EDIL3: variants seen among roughly 807,000 people sequenced by gnomAD.
The protein encoded by EDIL3 is EGF like and discoidin domains 3.
A neutral mutation model predicts 67.4 loss-of-function variants in EDIL3; 37 were observed. That is an observed-to-expected ratio of 0.55 (90% CI 0.42 to 0.72). EDIL3 has a LOEUF of 0.72. Among genes scored for constraint, EDIL3 ranks in the 30% least tolerant of loss-of-function variants. EDIL3 has a pLI of 0.00. For missense variants in EDIL3, 527 were observed against 586.3 expected (o/e 0.90, Z 1.04); for synonymous variants, 195 against 196.3 (o/e 0.99, Z 0.05).
At chr5:83,975,018 G>A (rs1037497427) in intron 9 of EDIL3, among the ~76,000 whole-genome samples, 2 of 151,970 alleles carry the variant, frequency 1.3e-5, no homozygotes, top group South Asian at 2.1e-4. Flanking sequence ...ATGATTTAAT[G>A]AGTATATTTT....
chr5:84,352,571 C>G (rs903894394), intron 1 of EDIL3, among the ~76,000 whole-genome samples: 2 of 152,066 alleles, frequency 1.3e-5, no homozygotes, highest in African/African-American at 2.4e-5. Flanking sequence ...CATGTTCTCA[C>G]TTGGGAGCTA....
chr5:84,291,683 GATATATCT>G (rs1310611500), intron 1 of EDIL3, among the ~76,000 whole-genome samples: 2 of 144,680 alleles, frequency 1.4e-5, no homozygotes, highest in Non-Finnish European at 3.0e-5. Flanking sequence ...TATCTATATA[GATATATCT>G]ATATATCTAT....
chr5:84,120,555 G>A (rs1242595765), intron 5 of EDIL3, among the ~76,000 whole-genome samples: 1 of 151,950 alleles, frequency 6.6e-6, no homozygotes, highest in Non-Finnish European at 1.5e-5. Context: ...TCTAAAAAGA[G>A]CAATTTTTTT....
At chr5:84,056,576 T>C (rs994060174) in intron 9 of EDIL3, among the ~76,000 whole-genome samples, 1 of 152,118 alleles carries the variant, frequency 6.6e-6, no homozygotes, top group Admixed American at 6.6e-5. Context: ...TGAGGGTATT[T>C]TGGGGGGCTG....
chr5:83,944,266 T>C (rs759944485), intron 10 of EDIL3, among the ~76,000 whole-genome samples: 5 of 151,972 alleles, frequency 3.3e-5, no homozygotes, highest in Admixed American at 6.6e-5. Flanking sequence ...TTTTGAACTG[T>C]TTTTCTCTTC....
chr5:84,116,565 A>C (rs1409465360), intron 5 of EDIL3, among the ~76,000 whole-genome samples: 1 of 152,174 alleles, frequency 6.6e-6, no homozygotes. Context: ...ATTAAAAAAA[A>C]ATTGCCAACA....
At chr5:84,120,777 CT>C (rs1343889391) in intron 5 of EDIL3, among the ~76,000 whole-genome samples, 1 of 151,864 alleles carries the variant, frequency 6.6e-6, no homozygotes, top group Non-Finnish European at 1.5e-5. Flanking sequence ...ATACAGGTCT[CT>C]TTTTCATGAA....
rs1194942451 is a variant in EDIL3 at position 84,180,496 on chromosome 5, A to G, written c.252T>C (p.His84=). The change falls in exon 4 of 11, where the codon CAT becomes CAC. Residue 84 remains histidine (H), a synonymous_variant. Transcript: ENST00000296591. ...SAGPCTPNPC[H]NGGTCEISEA... The stretch of plus-strand genomic sequence containing the variant: ...CACTTATTTCACAGGTTCCTCCATT[A>G]TGGCATGGATTAGGAGTGCAGGGAC... 1 of 1,605,740 alleles carries G rather than the reference A, an allele frequency of 6.2e-7. No homozygotes were observed. The highest frequency in any genetic ancestry group is 1.3e-5 in the African/African-American group (1 of 74,732).
At chr5:84,356,192 A>T (rs1474572918) in intron 1 of EDIL3, among the ~76,000 whole-genome samples, 1 of 151,906 alleles carries the variant, frequency 6.6e-6, no homozygotes, top group Non-Finnish European at 1.5e-5. Flanking sequence ...TTTGGGAGGA[A>T]ATTGTGATTC....
At chr5:83,979,555 A>G (rs1744929891) in intron 9 of EDIL3, among the ~76,000 whole-genome samples, 1 of 152,204 alleles carries the variant, frequency 6.6e-6, no homozygotes, top group African/African-American at 2.4e-5. Flanking sequence ...GGAATACAAT[A>G]GAATTATATG....
chr5:84,290,909 G>C (rs530149871), intron 1 of EDIL3, among the ~76,000 whole-genome samples: 99 of 152,240 alleles, frequency 6.5e-4, no homozygotes, highest in Middle Eastern at 3.4e-3. Flanking sequence ...CATTTCAAGT[G>C]GCTCAGTTTC....
chr5:83,980,841 T>G (rs1479284120), intron 9 of EDIL3, among the ~76,000 whole-genome samples: 1 of 151,550 alleles, frequency 6.6e-6, no homozygotes, highest in Non-Finnish European at 1.5e-5. Flanking sequence ...GTTTTCTATA[T>G]CCTAGTGATG....
intron 6 of EDIL3, among the ~76,000 whole-genome samples, chr5:84,098,100 G>GAAA (rs34968983): frequency 7.2e-6 from 1 of 139,258 alleles, no homozygotes; most frequent in Non-Finnish European, 1.6e-5. Context: ...CTAGAAATCT[G>GAAA]AAAAAAAAAA....
At chr5:84,014,195 T>C (rs1272114251) in intron 9 of EDIL3, among the ~76,000 whole-genome samples, 2 of 152,208 alleles carry the variant, frequency 1.3e-5, no homozygotes, top group Non-Finnish European at 2.9e-5. Flanking sequence ...AATAGTCACA[T>C]ACCGCTGATT....
chr5:84,106,568 C>G, intron 6 of EDIL3, 81 bp downstream of exon 6: 1 of 1,453,188 alleles, frequency 6.9e-7, no homozygotes, highest in Middle Eastern at 2.3e-4. Flanking sequence ...ACACTGAGTT[C>G]CCTTTTGTCT....
At chr5:84,150,969 A>C (rs923886863) in intron 4 of EDIL3, among the ~76,000 whole-genome samples, 2 of 152,138 alleles carry the variant, frequency 1.3e-5, no homozygotes, top group African/African-American at 4.8e-5. Context: ...AAATGCAACT[A>C]ATCTATCATC....
intron 3 of EDIL3, among the ~76,000 whole-genome samples, chr5:84,216,434 A>G (rs1459824195): frequency 6.6e-6 from 1 of 152,222 alleles, no homozygotes; most frequent in Non-Finnish European, 1.5e-5. Context: ...GACTTTTACA[A>G]TTCCAAAAAA....
intron 3 of EDIL3, among the ~76,000 whole-genome samples, chr5:84,192,425 C>T (rs1743610444): frequency 6.6e-6 from 1 of 151,990 alleles, no homozygotes; most frequent in African/African-American, 2.4e-5. Context: ...ACCTAAAGAT[C>T]ATTTGCATTC....
chr5:83,959,459 A>G (rs1379113930), intron 10 of EDIL3, among the ~76,000 whole-genome samples: 3 of 151,032 alleles, frequency 2.0e-5, no homozygotes, highest in African/African-American at 4.8e-5. Flanking sequence ...GTCAATAAAA[A>G]CAAACAGCAC....
Sources: allele counts gnomAD v4.1 joint callset (sites outside exome capture counted in the v4.1 genomes callset), GRCh38; gene constraint gnomAD v4.1.1; transcripts MANE v1.5; gene names NCBI Gene and HGNC (gene_info 2026-07-23, HGNC 2026-07-21).